NAV2: variants seen among roughly 807,000 people sequenced by gnomAD.
NAV2 encodes helicase, APC down-regulated 1.
In NAV2, 54 loss-of-function variants were observed where a neutral mutation model predicts 223.2. That is an observed-to-expected ratio of 0.24 (90% confidence interval 0.19 to 0.30). The LOEUF (loss-of-function observed/expected upper bound fraction) is 0.30. NAV2 is among the 10% of genes least tolerant of loss of function. The probability of loss-of-function intolerance (pLI) is 1.00; values close to 1 mark genes in which losing one functional copy is unlikely to be tolerated. For synonymous variants in NAV2, 1,279 were observed against 1,239.3 expected (o/e 1.03, Z -0.67); for missense variants, 2,806 against 3,147.5 (o/e 0.89, Z 2.60).
intron 1 of NAV2, among the ~76,000 whole-genome samples, chr11:19,476,768 T>C (rs1232586866): frequency 6.6e-6 from 1 of 152,202 alleles, no homozygotes; most frequent in Admixed American, 6.5e-5. Context: ...GACACTAGTG[T>C]TCTCTTGCTT....
intron 1 of NAV2, among the ~76,000 whole-genome samples, chr11:19,619,973 A>G (rs544952866): frequency 7.2e-5 from 11 of 152,280 alleles, no homozygotes; most frequent in African/African-American, 2.2e-4. Context: ...TCAGCTTTCT[A>G]CATATGGCTA....
At chr11:19,795,465 T>C (rs2057814895) in intron 1 of NAV2, among the ~76,000 whole-genome samples, 1 of 152,224 alleles carries the variant, frequency 6.6e-6, no homozygotes, top group Non-Finnish European at 1.5e-5. Flanking sequence ...TAATGGTAAA[T>C]GCAAAAGCAA....
intron 26 of NAV2, among the ~76,000 whole-genome samples, chr11:20,089,271 T>C (rs1337561433): frequency 6.6e-6 from 1 of 152,168 alleles, no homozygotes; most frequent in Non-Finnish European, 1.5e-5. Flanking sequence ...AAACATAAGG[T>C]GGTTTTACCG....
intron 1 of NAV2, among the ~76,000 whole-genome samples, chr11:19,400,406 G>A (rs912007915): frequency 2.0e-5 from 3 of 152,186 alleles, no homozygotes; most frequent in African/African-American, 7.2e-5. Flanking sequence ...ATCTGTTCCA[G>A]CTGGTACCTT....
chr11:19,668,623 T>C (rs545326716), intron 1 of NAV2, among the ~76,000 whole-genome samples: 2 of 149,956 alleles, frequency 1.3e-5, no homozygotes, highest in South Asian at 4.4e-4. Flanking sequence ...TCTTGCATCA[T>C]CTCAATCCAG....
chr11:20,078,119 A>G lies in NAV2; in HGVS notation c.5179+15A>G, dbSNP rs1015234730. 6.3e-6 allele frequency: 10 copies of G among 1,596,100 alleles called. No homozygotes were observed. Among genetic ancestry groups the G allele is most frequent in the Non-Finnish European group, 8.6e-6 (10 of 1,164,934 alleles). ...CAACTGCAAAGGTAAAGTAAGGGAAACAGCCTTTAGCCAGAAGACCTGCCT... is the reference window on the plus strand; with the variant it reads ...CAACTGCAAAGGTAAAGTAAGGGAAGCAGCCTTTAGCCAGAAGACCTGCCT... On this transcript the variant is annotated intron_variant, in intron 24 of 37. Coordinates refer to ENST00000349880, the MANE Select transcript of NAV2 (RefSeq NM_145117.5).
chr11:19,501,486 A>G (rs2042961895), intron 1 of NAV2, among the ~76,000 whole-genome samples: 1 of 152,138 alleles, frequency 6.6e-6, no homozygotes, highest in Admixed American at 6.6e-5. Flanking sequence ...CACTGGTTGT[A>G]AAACCTCAGT....
intron 29 of NAV2, among the ~76,000 whole-genome samples, chr11:20,095,260 C>T (rs79188581): frequency 5.3e-5 from 8 of 152,108 alleles, no homozygotes; most frequent in East Asian, 1.9e-4. Context: ...ACAGAATTGC[C>T]GAAGCAATTT....
At chr11:20,060,567 G>A (rs1164841872) in intron 19 of NAV2, among the ~76,000 whole-genome samples, 1 of 152,220 alleles carries the variant, frequency 6.6e-6, no homozygotes, top group Non-Finnish European at 1.5e-5. Context: ...CTGATATAGG[G>A]ACAGCTTAGA....
intron 1 of NAV2, among the ~76,000 whole-genome samples, chr11:19,537,955 C>T (rs932743020): frequency 1.3e-5 from 2 of 152,288 alleles, no homozygotes; most frequent in African/African-American, 2.4e-5. Flanking sequence ...AGGGAAAGCA[C>T]CTGAGTCCCA....
rs753903654 is a variant in NAV2 at position 20,118,215 on chromosome 11, A to G, written c.7247A>G (p.His2416Arg). The G allele has an allele frequency of 6.2e-7, 1 of 1,614,126 alleles. No individual in the cohort carries two copies. The highest frequency in any genetic ancestry group is 1.1e-5 in the South Asian group (1 of 91,066). Reference protein sequence around the residue: ...SYDSDSNSNSHHDDILDSSLE... With the variant: ...SYDSDSNSNSRHDDILDSSLE... Reference sequence around the variant, plus strand: ...GACAGCGACTCCAACAGCAACAGCCATCACGATGACATCTTGGACTCCTCT... The same window carrying G: ...GACAGCGACTCCAACAGCAACAGCCGTCACGATGACATCTTGGACTCCTCT... The change falls in exon 38 of 38, where the codon CAT becomes CGT. Residue 2416 changes from histidine (H) to arginine (R), a missense_variant. By Grantham distance (29) the His-to-Arg change is conservative. Coordinates refer to ENST00000349880, the MANE Select transcript of NAV2 (RefSeq NM_145117.5).
At chr11:20,042,148 A>G (rs926320697) in intron 12 of NAV2, among the ~76,000 whole-genome samples, 1 of 152,212 alleles carries the variant, frequency 6.6e-6, no homozygotes, top group African/African-American at 2.4e-5. Context: ...TGTTTAGAGG[A>G]AGGAAACTGA....
rs1443634876 is a variant in NAV2 at position 19,425,785 on chromosome 11, C to A, written c.75+74758C>A. Reference sequence around the variant, plus strand: ...ACGTGAATAGGTAGAATATAAGACTCATATTAAATCCCTTTTTGGTTATTG... The same window carrying A: ...ACGTGAATAGGTAGAATATAAGACTAATATTAAATCCCTTTTTGGTTATTG... On this transcript the variant is annotated intron_variant, in intron 1 of 37. Coordinates refer to the NAV2 transcript ENST00000360655. Among the ~76,000 whole-genome samples the A allele has an allele frequency of 2.6e-5, 4 of 152,266 alleles. No homozygotes were observed. The East Asian group carries it at 7.7e-4, about 29-fold the overall frequency.
At chr11:19,384,300 A>G (rs1220019085) in intron 1 of NAV2, among the ~76,000 whole-genome samples, 3 of 152,220 alleles carry the variant, frequency 2.0e-5, no homozygotes, top group Non-Finnish European at 4.4e-5. Context: ...CACATTTTCC[A>G]TGGTAAACAG....
intron 3 of NAV2, among the ~76,000 whole-genome samples, chr11:19,859,015 T>C (rs542466082): frequency 5.8e-4 from 88 of 152,262 alleles, no homozygotes; most frequent in Admixed American, 1.8e-3. Flanking sequence ...GAGATAGATA[T>C]CAGCATTTCA....
At chr11:19,765,376 T>TC (rs2055121378) in intron 1 of NAV2, among the ~76,000 whole-genome samples, 1 of 144,464 alleles carries the variant, frequency 6.9e-6, no homozygotes, top group Non-Finnish European at 1.5e-5. Context: ...CATCTTCCCT[T>TC]CTTTCCTTCC....
exon 1 of NAV2, chr11:19,350,961 G>C: frequency 6.4e-7 from 1 of 1,551,738 alleles, no homozygotes. Flanking sequence ...AAATGGAATC[G>C]GTTTCTGAGT....
At chr11:19,454,054 A>G (rs4757812) in intron 1 of NAV2, among the ~76,000 whole-genome samples, 85,725 of 152,050 alleles carry the variant, frequency 0.56, 24,389 homozygotes, top group East Asian at 0.65. Flanking sequence ...GCTGGCTCCA[A>G]TGAAACAATG....
intron 7 of NAV2, among the ~76,000 whole-genome samples, chr11:19,938,932 A>G (rs904336759): frequency 3.9e-5 from 6 of 152,230 alleles, no homozygotes; most frequent in Non-Finnish European, 1.5e-5. Context: ...TAATAATGTT[A>G]CATGCAGGGT....
Sources: allele counts gnomAD v4.1 joint callset (sites outside exome capture counted in the v4.1 genomes callset), GRCh38; gene constraint gnomAD v4.1.1; transcripts MANE v1.5; gene names NCBI Gene and HGNC (gene_info 2026-07-23, HGNC 2026-07-21).